The following PARD3B variants were observed in gnomAD, a reference collection of about 807,000 sequenced individuals.
PARD3B encodes the protein par-3 family cell polarity regulator beta.
A neutral mutation model predicts 130.2 loss-of-function variants in PARD3B; 103 were observed. The observed-to-expected ratio is 0.79, with a 90% CI of 0.67 to 0.93. The LOEUF (loss-of-function observed/expected upper bound fraction) is 0.93. PARD3B is among the 40% of genes least tolerant of loss of function. The pLI is 0.00. For synonymous variants in PARD3B, 583 were observed against 553.2 expected, an observed-to-expected ratio of 1.05 and a Z score of -0.76; for missense variants, 1,609 against 1,499.2, an observed-to-expected ratio of 1.07 and a Z score of -1.21.
In PARD3B at chr2:205,592,255, C is replaced by T. The variant is rs890039103; in HGVS notation, c.3261-23201C>T. On this transcript the variant is annotated intron_variant, in intron 22 of 22. Transcript: ENST00000406610. This position sits in a 1 kb window ranked among gnomAD's most constrained non-coding sequence, Gnocchi z 4.5. ...CTCTTGTTTACTATAGTGGGCTGAG[C>T]GTAACATCAAGGTTGACTTGTTCAT... 3.3e-5 allele frequency among the ~76,000 whole-genome samples: 5 copies of T among 152,126 alleles called. No individual in the cohort carries two copies. Among genetic ancestry groups the T allele is most frequent in the East Asian group, 1.9e-4 (1 of 5,202 alleles).
At chr2:205,386,179 C>T (rs2045654380) in intron 18 of PARD3B, among the ~76,000 whole-genome samples, 1 of 152,184 alleles carries the variant, frequency 6.6e-6, no homozygotes, top group South Asian at 2.1e-4. Context: ...GTCAACAAAA[C>T]TGGCATTGAG....
intron 15 of PARD3B, among the ~76,000 whole-genome samples, chr2:205,228,035 TTA>T (rs1388356549): frequency 6.6e-6 from 1 of 152,200 alleles, no homozygotes; most frequent in East Asian, 1.9e-4. Context: ...TTGTTTCTGT[TTA>T]TATCTTATTG....
rs1443784194 is a variant in PARD3B at position 205,583,478 on chromosome 2, ATGG to A, written c.3260+30087_3260+30089del. On this transcript the variant is annotated intron_variant, in intron 22 of 22. Coordinates refer to ENST00000406610, the MANE Select transcript of PARD3B (RefSeq NM_001302769.2). ...GATTGCCTTGAGAATAGACATCATG[ATGG>A]TGGTGGTGGTGATGAAGAGGATGAA... is the stretch of plus-strand genomic sequence containing the variant. Among the ~76,000 whole-genome samples the A allele has an allele frequency of 2.6e-5, 4 of 152,166 alleles. No individual in the cohort carries two copies. In the East Asian group the frequency reaches 5.8e-4, roughly 22 times the overall value.
intron 2 of PARD3B, among the ~76,000 whole-genome samples, chr2:204,857,792 A>G (rs1457926085): frequency 6.6e-6 from 1 of 152,148 alleles, no homozygotes; most frequent in African/African-American, 2.4e-5. Context: ...AGCCTGCTTC[A>G]GGGGACAAGA....
Position 205,183,682 on chromosome 2 carries a change from T to C in PARD3B, c.1925-2082T>C, listed in dbSNP as rs1470110705. 6.6e-6 allele frequency among the ~76,000 whole-genome samples: 1 copy of C among 151,956 alleles called. No individual in the cohort carries two copies. Among genetic ancestry groups the C allele is most frequent in the Non-Finnish European group, 1.5e-5 (1 of 68,020 alleles). On this transcript the variant is annotated intron_variant, in intron 13 of 22. Coordinates refer to ENST00000406610, the MANE Select transcript of PARD3B (RefSeq NM_001302769.2). The surrounding 1 kb of genome is among the most constrained non-coding windows in gnomAD (Gnocchi z 5.2). ...TGCCTGGGGCAGAGCTTGGAGCAAGTCCTTGCCTTGTGTATTTCTCAGGGT... is the reference window on the plus strand; with the variant it reads ...TGCCTGGGGCAGAGCTTGGAGCAAGCCCTTGCCTTGTGTATTTCTCAGGGT...
intron 4 of PARD3B, among the ~76,000 whole-genome samples, chr2:205,074,551 C>G (rs967157484): frequency 3.9e-5 from 6 of 152,272 alleles, no homozygotes; most frequent in East Asian, 1.9e-4. Context: ...TTGCTCTGCC[C>G]TCTATGTCAT....
intron 15 of PARD3B, among the ~76,000 whole-genome samples, chr2:205,206,031 C>G (rs2037274993): frequency 6.6e-6 from 1 of 152,026 alleles, no homozygotes; most frequent in African/African-American, 2.4e-5. Context: ...GTATCAGCTC[C>G]TCTTTGTACC....
At chr2:204,596,825 G>A (rs1002476600) in intron 1 of PARD3B, among the ~76,000 whole-genome samples, 1 of 151,982 alleles carries the variant, frequency 6.6e-6, no homozygotes, top group Non-Finnish European at 1.5e-5. Context: ...GGCTGAAGCA[G>A]GAGAATTGCT....
chr2:205,040,840 A>G (rs950882055), intron 3 of PARD3B, among the ~76,000 whole-genome samples: 2 of 151,938 alleles, frequency 1.3e-5, no homozygotes, highest in African/African-American at 2.4e-5. Context: ...AAACTGTCCA[A>G]CTGTTTTGGT....
intron 21 of PARD3B, among the ~76,000 whole-genome samples, chr2:205,549,190 G>A (rs1018795657): frequency 6.6e-6 from 1 of 152,068 alleles, no homozygotes; most frequent in Non-Finnish European, 1.5e-5. Flanking sequence ...AATTCTGGTG[G>A]GAATTCAAAA....
chr2:205,582,241 C>A (rs1457609045), intron 22 of PARD3B, among the ~76,000 whole-genome samples: 1 of 152,078 alleles, frequency 6.6e-6, no homozygotes, highest in African/African-American at 2.4e-5. Flanking sequence ...ACACACCTGC[C>A]CTGGTGTGGG....
At position 204,846,300 on chromosome 2, in the gene PARD3B, T is replaced by C. The variant is rs578095726; in HGVS notation, c.223-118852T>C. ...CTCTTCATATTACCAATGGTGGGGA[T>C]GGAAATTGCTAAAGCCTTTTTGGTA... On this transcript the variant is annotated intron_variant, in intron 2 of 22. Coordinates refer to ENST00000406610, the MANE Select transcript of PARD3B (RefSeq NM_001302769.2). 2.0e-5 allele frequency among the ~76,000 whole-genome samples: 3 copies of C among 152,156 alleles called. No homozygotes were observed. The South Asian group carries it at 6.2e-4, about 32-fold the overall frequency.
chr2:204,588,075 G>A (rs73984243), intron 1 of PARD3B, among the ~76,000 whole-genome samples: 2,239 of 152,212 alleles, frequency 0.015, 43 homozygotes, highest in African/African-American at 0.044. Context: ...GAGGGAGGGC[G>A]TGCATTAGAA....
At chr2:205,214,190 C>G (rs2037793855) in intron 15 of PARD3B, among the ~76,000 whole-genome samples, 1 of 151,850 alleles carries the variant, frequency 6.6e-6, no homozygotes, top group Admixed American at 6.6e-5. Context: ...GATAATATTC[C>G]TGTAATAAAA....
intron 2 of PARD3B, among the ~76,000 whole-genome samples, chr2:204,936,808 AAT>A (rs1433291028): frequency 6.6e-6 from 1 of 152,264 alleles, no homozygotes; most frequent in Non-Finnish European, 1.5e-5. Flanking sequence ...CATAAATTAA[AAT>A]AGTGAATCTT....
At position 205,407,147 on chromosome 2, in the gene PARD3B, T is replaced by C. The variant is rs1205431587; in HGVS notation, c.2741+6024T>C. Among the ~76,000 whole-genome samples the C allele has an allele frequency of 1.3e-5, 2 of 152,210 alleles. No individual in the cohort carries two copies. The highest frequency in any genetic ancestry group is 6.5e-5 in the Admixed American group (1 of 15,270). On this transcript the variant is annotated intron_variant, in intron 19 of 22. Coordinates refer to ENST00000406610, the MANE Select transcript of PARD3B (RefSeq NM_001302769.2). The surrounding 1 kb of genome is among the most constrained non-coding windows in gnomAD (Gnocchi z 4.1). ...TTTATGGTAGTGCATACACCATTGT[T>C]ACCTGAGTGTATAAGCCCAAGTTTC... is the stretch of plus-strand genomic sequence containing the variant.
intron 16 of PARD3B, among the ~76,000 whole-genome samples, chr2:205,249,892 T>G (rs1239014989): frequency 6.6e-6 from 1 of 152,036 alleles, no homozygotes; most frequent in African/African-American, 2.4e-5. Flanking sequence ...CTTTCCTTGT[T>G]TCACTAATTG....
intron 21 of PARD3B, among the ~76,000 whole-genome samples, chr2:205,541,589 T>C (rs1265267068): frequency 1.3e-5 from 2 of 152,068 alleles, no homozygotes; most frequent in Admixed American, 6.5e-5. Context: ...CCTCAAGTGA[T>C]TGCCCGCCTC....
At chr2:205,173,297 T>C (rs932391806) in intron 12 of PARD3B, among the ~76,000 whole-genome samples, 3 of 152,174 alleles carry the variant, frequency 2.0e-5, no homozygotes, top group African/African-American at 7.2e-5. Context: ...TAATCAAGAG[T>C]TAATGGTAGT....
Sources: allele counts gnomAD v4.1 joint callset (sites outside exome capture counted in the v4.1 genomes callset), GRCh38; gene constraint gnomAD v4.1.1; non-coding constraint Gnocchi (gnomAD v3.1); transcripts MANE v1.5; gene names NCBI Gene and HGNC (gene_info 2026-07-23, HGNC 2026-07-21).